Variants in ZNF362 observed in about 807,000 individuals in gnomAD.
The protein encoded by ZNF362 is rotund homolog.
Under a neutral mutation model 42.9 loss-of-function variants are expected in ZNF362, and 11 were observed. The ratio of observed to expected loss-of-function variants is 0.26; its 90% CI spans 0.16 to 0.42. The LOEUF is 0.42. Ranked by LOEUF, ZNF362 falls within the 20% of genes least tolerant of loss-of-function variation. ZNF362 has a pLI of 1.00. For missense variants in ZNF362, 362 were observed against 576.2 expected (o/e 0.63, Z 3.81); for synonymous variants, 255 against 257.3 (o/e 0.99, Z 0.09).
At chr1:33,227,808 T>C in the ZNF362 span, among the ~76,000 whole-genome samples, 1 of 152,090 alleles carries the variant, frequency 6.6e-6, no homozygotes, top group Non-Finnish European at 1.5e-5. Flanking sequence ...AGTCCCTCAT[T>C]CAGGTGCCCT....
chr1:33,187,327 G>A, the ZNF362 span, among the ~76,000 whole-genome samples: 1 of 152,216 alleles, frequency 6.6e-6, no homozygotes. Context: ...GACAATGGCA[G>A]GGCATTGACA....
chr1:33,160,531 A>T, the ZNF362 span, among the ~76,000 whole-genome samples: 3 of 151,948 alleles, frequency 2.0e-5, no homozygotes, highest in Admixed American at 6.5e-5. Context: ...CAGCCTCCCT[A>T]GTAGCTGGGA....
At chr1:33,238,925 CCTCCAGAACTGTGAGAAAATGA>C in the ZNF362 span, among the ~76,000 whole-genome samples, 3 of 152,180 alleles carry the variant, frequency 2.0e-5, no homozygotes, top group Admixed American at 2.0e-4. Flanking sequence ...GGACTTCCAG[CCTCCAGAACTGTGAGAAAATGA>C]ATTTCTGTTG....
intron 8 of ZNF362, among the ~76,000 whole-genome samples, chr1:33,297,913 CT>C (rs1286709636): frequency 6.6e-6 from 1 of 152,002 alleles, no homozygotes; most frequent in Non-Finnish European, 1.5e-5. Flanking sequence ...CACTTTTTTT[CT>C]TTGTTATTTA....
At chr1:33,184,901 C>T in the ZNF362 span, among the ~76,000 whole-genome samples, 2 of 152,126 alleles carry the variant, frequency 1.3e-5, no homozygotes, top group African/African-American at 4.8e-5. Context: ...CTATCTCAGC[C>T]TCCCTAGTAG....
At chr1:33,277,339 G>A (rs1645958615) in intron 4 of ZNF362, among the ~76,000 whole-genome samples, 4 of 152,234 alleles carry the variant, frequency 2.6e-5, no homozygotes, top group Non-Finnish European at 1.5e-5. Flanking sequence ...GGCAGAGGCC[G>A]GCAGTGTGGC....
At chr1:33,196,327 C>A in the ZNF362 span, 1 of 152,220 alleles carries the variant, frequency 6.6e-6, no homozygotes, top group Non-Finnish European at 1.5e-5. Flanking sequence ...TTGCAGTGAG[C>A]CAAGATTGCT....
intron 6 of ZNF362, among the ~76,000 whole-genome samples, chr1:33,289,930 A>G (rs924330861): frequency 1.3e-5 from 2 of 152,098 alleles, no homozygotes; most frequent in Admixed American, 1.3e-4. Flanking sequence ...GGCTGCCCTG[A>G]TAAAGGGACT....
chr1:33,159,557 C>T, the ZNF362 span: 109 of 1,338,408 alleles, frequency 8.1e-5, no homozygotes, highest in East Asian at 1.0e-3. This position sits in a 1 kb window ranked among gnomAD's most constrained non-coding sequence, Gnocchi z 4.2. Context: ...GCAGATGTCC[C>T]GTAAATGTTT....
At chr1:33,159,875 G>A in the ZNF362 span, 27 of 1,612,218 alleles carry the variant, frequency 1.7e-5, no homozygotes, top group Admixed American at 8.3e-5. The surrounding 1 kb of genome is among the most constrained non-coding windows in gnomAD (Gnocchi z 4.2). Flanking sequence ...GCCTTCTGGC[G>A]TTCACGCAGC....
At chr1:33,149,457 T>TA in the ZNF362 span, among the ~76,000 whole-genome samples, 28,372 of 149,548 alleles carry the variant, frequency 0.19, 2,976 homozygotes, top group South Asian at 0.29. Context: ...CTGGATTCTT[T>TA]TAAAAAAAAA....
At chr1:33,189,939 A>G in the ZNF362 span, among the ~76,000 whole-genome samples, 2 of 151,728 alleles carry the variant, frequency 1.3e-5, no homozygotes, top group Non-Finnish European at 2.9e-5. Context: ...CAAAGACTCC[A>G]TTTATCATCT....
the ZNF362 span, among the ~76,000 whole-genome samples, chr1:33,129,028 G>A: frequency 6.6e-6 from 1 of 152,222 alleles, no homozygotes; most frequent in African/African-American, 2.4e-5. This position sits in a 1 kb window ranked among gnomAD's most constrained non-coding sequence, Gnocchi z 4.1. Context: ...GTAGGAGTTG[G>A]CCAGGTAGAA....
chr1:33,183,635 A>C, the ZNF362 span, among the ~76,000 whole-genome samples: 1 of 152,224 alleles, frequency 6.6e-6, no homozygotes, highest in African/African-American at 2.4e-5. Context: ...CGGTTTGGGC[A>C]GGTCCAGCCT....
Position 33,288,743 on chromosome 1 carries a change from C to CAAAAAAAAAAAAAAAAAAAAA in ZNF362, c.909-6175_909-6174insAAAAAAAAAAAAAAAAAAAAA, listed in dbSNP as rs60197226. 1.7e-3 allele frequency among the ~76,000 whole-genome samples: 46 copies of CAAAAAAAAAAAAAAAAAAAAA among 27,350 alleles called. 11 individuals carry two copies. Among genetic ancestry groups the CAAAAAAAAAAAAAAAAAAAAA allele is most frequent in the South Asian group, 6.2e-3 (2 of 322 alleles). 17.9% of individuals were successfully genotyped at this position (27,350 alleles called of 152,430 possible). A position where few individuals can be genotyped will look rare whatever the true frequency, so the allele number is the denominator to read the frequency against. ...TCGGCGATAGAGCGAGACTCTGTCT[C>CAAAAAAAAAAAAAAAAAAAAA]AAAAAAAAAAAAAAAAAAAGAAGCG... On this transcript the variant is annotated intron_variant, in intron 6 of 8. Transcript: ENST00000539719.
the ZNF362 span, among the ~76,000 whole-genome samples, chr1:33,156,444 C>T: frequency 6.6e-6 from 1 of 152,194 alleles, no homozygotes; most frequent in South Asian, 2.1e-4. Flanking sequence ...GCTCAGCAGC[C>T]TTTGTCACTG....
At chr1:33,190,245 C>T in the ZNF362 span, among the ~76,000 whole-genome samples, 2 of 152,252 alleles carry the variant, frequency 1.3e-5, no homozygotes, top group African/African-American at 4.8e-5. Flanking sequence ...TGATCTCGCC[C>T]TTAGGAACTT....
At chr1:33,275,048 AT>A in intron 2 of ZNF362, 1 of 985,442 alleles carries the variant, frequency 1.0e-6, no homozygotes, top group Non-Finnish European at 1.2e-6. Context: ...AAAGCACTTC[AT>A]TTTGGTCTTT....
chr1:33,215,546 G>C, the ZNF362 span, among the ~76,000 whole-genome samples: 2 of 152,190 alleles, frequency 1.3e-5, no homozygotes, highest in South Asian at 4.2e-4. Context: ...AATGATAAAT[G>C]CTCGAGGCAA....
Sources: gnomAD v4.1 joint callset for allele counts (sites outside exome capture counted in the v4.1 genomes callset) on GRCh38, gnomAD v4.1.1 for gene constraint, Gnocchi (gnomAD v3.1) non-coding constraint, MANE v1.5 for transcripts, NCBI Gene and HGNC (gene_info 2026-07-23, HGNC 2026-07-21) for gene names.